Variants in ZNF324B observed in about 807,000 individuals in gnomAD.
ZNF324B encodes the protein zinc finger protein 324B.
In ZNF324B, 7 loss-of-function variants were observed where a neutral mutation model predicts 10.6. The observed-to-expected ratio is 0.66, with a 90% confidence interval of 0.38 to 1.24. ZNF324B has a LOEUF of 1.24. Ranked by LOEUF, ZNF324B falls within the 50% of genes most tolerant of loss-of-function variation. The probability of loss-of-function intolerance (pLI) is 0.02; values close to 1 mark genes in which losing one functional copy is unlikely to be tolerated. For missense variants in ZNF324B, 640 were observed against 764.7 expected (o/e 0.84, Z 1.92); for synonymous variants, 316 against 321.0 (o/e 0.98, Z 0.17).
At chr19:58,438,182 G>T in the ZNF324B span, among the ~76,000 whole-genome samples, 1 of 152,132 alleles carries the variant, frequency 6.6e-6, no homozygotes, top group Non-Finnish European at 1.5e-5. Flanking sequence ...TACTTTTGCC[G>T]CTATGCTTCA....
chr19:58,440,024 G>A, the ZNF324B span: 3 of 582,792 alleles, frequency 5.1e-6, no homozygotes, highest in Non-Finnish European at 8.9e-6. Context: ...CATAAAAGCA[G>A]AGTAATTAGC....
At chr19:58,441,497 C>G in the ZNF324B span, 1 of 152,136 alleles carries the variant, frequency 6.6e-6, no homozygotes, top group East Asian at 1.9e-4. Context: ...GAAGGACCAT[C>G]CCAAGTAGTT....
the ZNF324B span, among the ~76,000 whole-genome samples, chr19:58,427,504 TTTTCTTTCTTTC>T: frequency 4.9e-4 from 51 of 104,544 alleles, 1 homozygote; most frequent in African/African-American, 2.4e-3. Context: ...CTTTCTTTCT[TTTTCTTTCTTTC>T]TTTCTTTCTT....
At chr19:58,427,461 C>G in the ZNF324B span, among the ~76,000 whole-genome samples, 2 of 88,234 alleles carry the variant, frequency 2.3e-5, 1 homozygote, top group Non-Finnish European at 4.3e-5. Context: ...TCCCTTCCTT[C>G]CTTCCTTCCT....
At chr19:58,432,398 G>A in the ZNF324B span, 2 of 465,638 alleles carry the variant, frequency 4.3e-6, no homozygotes, top group South Asian at 1.6e-5. Context: ...AGTTGATGGG[G>A]AACTATGGCT....
At chr19:58,449,746 A>C (rs1248592389), upstream of ZNF324B, among the ~76,000 whole-genome samples, 10 of 152,258 alleles carry the variant, frequency 6.6e-5, 2 homozygotes, top group South Asian at 2.1e-3. Context: ...TATTTATCCA[A>C]CGGCTGTACC....
chr19:58,445,383 C>T, the ZNF324B span: 2 of 516,966 alleles, frequency 3.9e-6, no homozygotes, highest in Admixed American at 2.0e-5. Context: ...ACTGGAAAAA[C>T]CCTCTATGAG....
At chr19:58,437,649 C>G in the ZNF324B span, 30 of 926,008 alleles carry the variant, frequency 3.2e-5, no homozygotes, top group Non-Finnish European at 3.9e-5. Context: ...TCAGACCATA[C>G]AGTTCTTATA....
chr19:58,427,382 CTTT>C, the ZNF324B span, among the ~76,000 whole-genome samples: 68 of 34,566 alleles, frequency 2.0e-3, no homozygotes, highest in African/African-American at 4.7e-3. Flanking sequence ...TTCTTTCTTT[CTTT>C]CTTTCTTTCT....
At chr19:58,434,900 T>C in the ZNF324B span, 1 of 1,614,122 alleles carries the variant, frequency 6.2e-7, no homozygotes, top group East Asian at 2.2e-5. Context: ...ACTTTAGAGC[T>C]CTTCATAAGT....
intron 1 of ZNF324B, chr19:58,452,736 C>A: frequency 1.3e-6 from 1 of 796,222 alleles, no homozygotes; most frequent in Non-Finnish European, 1.5e-6. Flanking sequence ...ATAAACTGGA[C>A]TGAAGAAGGC....
the ZNF324B span, chr19:58,439,904 T>G: frequency 1.4e-6 from 2 of 1,429,894 alleles, no homozygotes; most frequent in African/African-American, 2.9e-5. Context: ...GGACCTGTCT[T>G]CCCAAATGCA....
At chr19:58,434,075 G>A in the ZNF324B span, 76 of 1,610,904 alleles carry the variant, frequency 4.7e-5, no homozygotes, top group East Asian at 9.0e-5. Flanking sequence ...TCAAAAGGCC[G>A]TTCTCCGGTG....
the ZNF324B span, chr19:58,437,028 T>C: frequency 5.0e-6 from 8 of 1,614,174 alleles, no homozygotes; most frequent in Non-Finnish European, 5.9e-6. Flanking sequence ...GTCATCACCA[T>C]GCTGAGACAG....
chr19:58,433,806 A>C, the ZNF324B span: 1 of 1,614,176 alleles, frequency 6.2e-7, no homozygotes, highest in Non-Finnish European at 8.5e-7. Context: ...TCCCACACTC[A>C]CTACACTCGT....
At chr19:58,448,077 A>C (rs2052835665), upstream of ZNF324B, among the ~76,000 whole-genome samples, 1 of 152,230 alleles carries the variant, frequency 6.6e-6, no homozygotes, top group South Asian at 2.1e-4. Flanking sequence ...AGCAATGTGA[A>C]AACAGATGAA....
At chr19:58,424,974 G>A in the ZNF324B span, among the ~76,000 whole-genome samples, 1 of 152,150 alleles carries the variant, frequency 6.6e-6, no homozygotes, top group African/African-American at 2.4e-5. Flanking sequence ...GAAACAATTT[G>A]GCCAGGCACT....
the ZNF324B span, among the ~76,000 whole-genome samples, chr19:58,419,689 C>G: frequency 6.6e-6 from 1 of 152,186 alleles, no homozygotes; most frequent in Non-Finnish European, 1.5e-5. Context: ...GTGACCCAGC[C>G]AGTACTCCTG....
chr19:58,425,508 T>C, the ZNF324B span, among the ~76,000 whole-genome samples: 1 of 150,918 alleles, frequency 6.6e-6, no homozygotes, highest in South Asian at 2.1e-4. Flanking sequence ...TCTGCTCTTG[T>C]GGCCCAGGCT....
Sources: allele counts gnomAD v4.1 joint callset (sites outside exome capture counted in the v4.1 genomes callset), GRCh38; gene constraint gnomAD v4.1.1; transcripts MANE v1.5; gene names NCBI Gene and HGNC (gene_info 2026-07-23, HGNC 2026-07-21).